The following MAPK14 variants were observed in gnomAD, a reference collection of about 807,000 sequenced individuals.
The protein encoded by MAPK14 is CSAID-binding protein.
Under a neutral mutation model 49.6 loss-of-function variants are expected in MAPK14, and 16 were observed. That is an observed-to-expected ratio of 0.32 (90% CI 0.22 to 0.49). The LOEUF (loss-of-function observed/expected upper bound fraction) is 0.49, where lower values mean the gene tolerates loss of function less well. Among genes scored for constraint, MAPK14 ranks in the 20% least tolerant of loss-of-function variants. The probability of loss-of-function intolerance (pLI) is 0.99; values close to 1 mark genes in which losing one functional copy is unlikely to be tolerated. For synonymous variants in MAPK14, 142 were observed against 158.0 expected (o/e 0.90, Z 0.76); for missense variants, 200 against 441.2 (o/e 0.45, Z 4.90).
At position 36,107,743 on chromosome 6, in the gene MAPK14, C is replaced by A; in HGVS notation, c.1015+115C>A. ...AAGCTTGTAGATGAGGTCTCTAATG[C>A]AGAATGAATATGTTCTCTGGTGGAA... On this transcript the variant is annotated intron_variant, in intron 11 of 11. Transcript: ENST00000229794. This position sits in a 1 kb window ranked among gnomAD's most constrained non-coding sequence, Gnocchi z 4.3. 1 of 623,292 alleles carries A rather than the reference C, an allele frequency of 1.6e-6. No individual in the cohort carries two copies. Among genetic ancestry groups the A allele is most frequent in the Non-Finnish European group, 2.6e-6 (1 of 391,076 alleles). The allele number at this position is 623,292 out of a possible 1,614,324, so 38.6% of individuals were successfully genotyped here.
the MAPK14 span, among the ~76,000 whole-genome samples, chr6:36,123,266 A>C: frequency 1.3e-5 from 2 of 152,156 alleles, no homozygotes; most frequent in Non-Finnish European, 2.9e-5. Flanking sequence ...GCAAGAGAAG[A>C]GGCCTCAGAT....
intron 2 of MAPK14, among the ~76,000 whole-genome samples, chr6:36,058,766 G>A (rs1268743729): frequency 1.3e-5 from 2 of 152,094 alleles, no homozygotes; most frequent in East Asian, 3.8e-4. Flanking sequence ...GCATGGTGGT[G>A]GCACGTGCTT....
intron 4 of MAPK14, among the ~76,000 whole-genome samples, chr6:36,073,451 C>G (rs1029455093): frequency 2.0e-5 from 3 of 152,128 alleles, no homozygotes; most frequent in East Asian, 1.9e-4. Context: ...GCTTTGAGTC[C>G]TTATTGAGCT....
chr6:36,084,821 A>G (rs1764913240), intron 8 of MAPK14, among the ~76,000 whole-genome samples: 1 of 152,180 alleles, frequency 6.6e-6, no homozygotes, highest in Non-Finnish European at 1.5e-5. Flanking sequence ...GGAAATCCCT[A>G]GAGAACCCCA....
rs1765843251 is a variant in MAPK14 at position 36,107,807 on chromosome 6, A to T, written c.1015+179A>T. 3.9e-5 allele frequency among the ~76,000 whole-genome samples: 6 copies of T among 152,252 alleles called. No individual in the cohort carries two copies. The highest frequency in any genetic ancestry group is 3.9e-4 in the Admixed American group (6 of 15,286). Reference sequence around the variant, plus strand: ...GTGATACTCTCTGGACCTTTGAGATACTTATGTCTGGTCTGATTTTATGCA... The same window carrying T: ...GTGATACTCTCTGGACCTTTGAGATTCTTATGTCTGGTCTGATTTTATGCA... On this transcript the variant is annotated intron_variant, in intron 11 of 11. Coordinates refer to ENST00000229794, the MANE Select transcript of MAPK14 (RefSeq NM_139012.3). This position sits in a 1 kb window ranked among gnomAD's most constrained non-coding sequence, Gnocchi z 4.3.
chr6:36,059,242 C>A (rs1414092054), intron 2 of MAPK14, 47 bp from the exon 3 acceptor site: 2 of 1,224,294 alleles, frequency 1.6e-6, no homozygotes, highest in East Asian at 2.5e-5. Context: ...GGGTACTATA[C>A]TGAGTTTAAT....
chr6:36,056,401 AC>A (rs1315349345), intron 2 of MAPK14, among the ~76,000 whole-genome samples: 1 of 152,218 alleles, frequency 6.6e-6, no homozygotes, highest in Non-Finnish European at 1.5e-5. Flanking sequence ...CAGAGAAGAT[AC>A]CAAATGTATT....
At chr6:36,063,405 T>C (rs535670882) in intron 3 of MAPK14, among the ~76,000 whole-genome samples, 3 of 152,240 alleles carry the variant, frequency 2.0e-5, no homozygotes, top group East Asian at 1.9e-4. Flanking sequence ...CTGAGCAACA[T>C]AGGGAAACCC....
At chr6:36,056,824 T>C (rs1328591483) in intron 2 of MAPK14, among the ~76,000 whole-genome samples, 1 of 152,148 alleles carries the variant, frequency 6.6e-6, no homozygotes, top group Admixed American at 6.5e-5. Flanking sequence ...ATTGGAACGG[T>C]GAATAAAGTT....
At position 36,107,371 on chromosome 6, in the gene MAPK14, G is replaced by A. The variant is rs1581857477; in HGVS notation, c.842-84G>A. On this transcript the variant is annotated intron_variant, in intron 10 of 11. Transcript: ENST00000229794. The surrounding 1 kb of genome is among the most constrained non-coding windows in gnomAD (Gnocchi z 4.3). ...GAGAGTTCTTTGTTTGGATATGAAG[G>A]GTCAAAACTATGTTTGCTCAATAAG... 1 of 933,312 alleles carries A rather than the reference G, an allele frequency of 1.1e-6. No individual in the cohort carries two copies. Among genetic ancestry groups the A allele is most frequent in the East Asian group, 2.6e-5 (1 of 38,594 alleles). 57.8% of individuals were successfully genotyped at this position (933,312 alleles called of 1,614,324 possible). A position where few individuals can be genotyped will look rare whatever the true frequency, so the allele number is the denominator to read the frequency against.
chr6:36,045,808 CAAAAAAAAAAA>C lies in MAPK14; in HGVS notation c.117-6876_117-6866del, dbSNP rs371920281. Among the ~76,000 whole-genome samples the C allele has an allele frequency of 5.0e-3, 233 of 46,406 alleles. 3 individuals carry two copies. In the East Asian group the frequency reaches 0.051, roughly 10 times the overall value. 30.4% of individuals were successfully genotyped at this position (46,406 alleles called of 152,430 possible). ...TGGGTGACACAGCAAGACTCTGTCTCAAAAAAAAAAAAAAAAAAAAAAAAAGAAAGAAAGGA... is the reference window on the plus strand; with the variant it reads ...TGGGTGACACAGCAAGACTCTGTCTCAAAAAAAAAAAAAAGAAAGAAAGGA... On this transcript the variant is annotated intron_variant, in intron 1 of 11. Transcript: ENST00000229794.
intron 8 of MAPK14, among the ~76,000 whole-genome samples, chr6:36,091,226 T>C (rs1251088277): frequency 1.3e-5 from 2 of 152,130 alleles, no homozygotes; most frequent in Non-Finnish European, 2.9e-5. Context: ...CCTAGAAATA[T>C]CCTGTTATGC....
intron 1 of MAPK14, among the ~76,000 whole-genome samples, chr6:36,049,983 G>T (rs1216363050): frequency 6.6e-6 from 1 of 152,160 alleles, no homozygotes; most frequent in Non-Finnish European, 1.5e-5. Flanking sequence ...GAGGGAAGAG[G>T]GTGAATTGGA....
chr6:36,111,677 C>T (rs967822861), downstream of MAPK14, among the ~76,000 whole-genome samples: 1 of 152,082 alleles, frequency 6.6e-6, no homozygotes, highest in Admixed American at 6.5e-5. Flanking sequence ...TGATGTGCTT[C>T]CTTTCTTGGT....
intron 3 of MAPK14, among the ~76,000 whole-genome samples, chr6:36,065,425 C>T (rs1025443074): frequency 5.3e-5 from 8 of 151,208 alleles, no homozygotes; most frequent in Middle Eastern, 3.4e-3. Flanking sequence ...ACACAGAGGG[C>T]TTAACGGATG....
the MAPK14 span, among the ~76,000 whole-genome samples, chr6:36,123,637 C>T: frequency 2.0e-5 from 3 of 152,242 alleles, no homozygotes; most frequent in African/African-American, 7.2e-5. Context: ...AGGCACAGTG[C>T]CAGGGGGCTC....
the MAPK14 span, among the ~76,000 whole-genome samples, chr6:36,119,043 G>A: frequency 1.6e-4 from 24 of 152,208 alleles, no homozygotes; most frequent in African/African-American, 5.6e-4. Flanking sequence ...TTTAAATGTA[G>A]TAGGTAACAT....
intron 1 of MAPK14, among the ~76,000 whole-genome samples, chr6:36,050,350 T>C (rs1444753016): frequency 1.3e-5 from 2 of 152,192 alleles, no homozygotes; most frequent in East Asian, 3.9e-4. Context: ...ATTGTTGTAG[T>C]CAGGGTACAA....
At chr6:36,085,338 T>C (rs1213527766) in intron 8 of MAPK14, among the ~76,000 whole-genome samples, 1 of 152,182 alleles carries the variant, frequency 6.6e-6, no homozygotes, top group Non-Finnish European at 1.5e-5. Flanking sequence ...TAAATGTAAG[T>C]GGGCTAAATG....
Sources: allele counts gnomAD v4.1 joint callset (sites outside exome capture counted in the v4.1 genomes callset), GRCh38; gene constraint gnomAD v4.1.1; non-coding constraint Gnocchi (gnomAD v3.1); transcripts MANE v1.5; gene names NCBI Gene and HGNC (gene_info 2026-07-23, HGNC 2026-07-21).